NOVA2: variants seen among roughly 807,000 people sequenced by gnomAD.
The protein encoded by NOVA2 is NOVA alternative splicing regulator 2, also known as RNA-binding protein Nova-2.
Under a neutral mutation model 22.5 loss-of-function variants are expected in NOVA2, and 9 were observed. That is an observed-to-expected ratio of 0.40 (90% CI 0.24 to 0.70). The LOEUF is 0.70. NOVA2 is among the 30% of genes least tolerant of loss of function. The probability of loss-of-function intolerance (pLI) is 0.38; values close to 1 mark genes in which losing one functional copy is unlikely to be tolerated. For missense variants in NOVA2, 383 were observed against 682.8 expected (o/e 0.56, Z 4.89); for synonymous variants, 318 against 335.2 (o/e 0.95, Z 0.56).
chr19:45,966,460 GTTTC>G (rs1407260081), intron 1 of NOVA2, among the ~76,000 whole-genome samples: 1 of 152,048 alleles, frequency 6.6e-6, no homozygotes, highest in Non-Finnish European at 1.5e-5. Context: ...TAGAGACGGG[GTTTC>G]ACCATGTTGC....
At chr19:45,958,137 T>A (rs943602056) in intron 2 of NOVA2, among the ~76,000 whole-genome samples, 44 of 145,298 alleles carry the variant, frequency 3.0e-4, no homozygotes, top group African/African-American at 1.0e-3. Flanking sequence ...AAAAATAGAA[T>A]CCTCAGGGTG....
chr19:45,940,311 G>A lies in NOVA2; in HGVS notation c.1031C>T (p.Pro344Leu), dbSNP rs1416710428. Residue 344 changes from proline (P) to leucine (L), a missense_variant, in exon 4 of 4, where the codon CCG becomes CTG. This residue lies in a region of NOVA2 where 349 missense variants were observed against 578.1 expected (regional missense o/e 0.60). Transcript: ENST00000263257. The part of the protein sequence containing the change: ...AGAGPAGGAA[P>L]PPPPPPGALG... The stretch of plus-strand genomic sequence containing the variant: ...GGCTCCGGGAGGCGGGGGCGGCGGC[G>A]GGGCGGCCCCTCCGGCTGGCCCGGC... The A allele has an allele frequency of 5.8e-5, 67 of 1,146,432 alleles. No homozygotes were observed. The highest frequency in any genetic ancestry group is 7.1e-5 in the Non-Finnish European group (66 of 936,046). The allele number at this position is 1,146,432 out of a possible 1,614,324, so 71.0% of individuals were successfully genotyped here.
intron 1 of NOVA2, among the ~76,000 whole-genome samples, chr19:45,972,289 A>G (rs915172349): frequency 1.3e-4 from 19 of 151,568 alleles, no homozygotes; most frequent in African/African-American, 4.4e-4. Context: ...GCACACCTCC[A>G]TGTGTCACAC....
chr19:45,964,179 C>CTTTTT (rs10555207), intron 1 of NOVA2, among the ~76,000 whole-genome samples: 31 of 106,832 alleles, frequency 2.9e-4, no homozygotes, highest in Non-Finnish European at 4.6e-4. Flanking sequence ...TTTTCTTTTT[C>CTTTTT]TTTTTTTTTT....
chr19:45,952,063 T>C (rs1967934589), intron 3 of NOVA2, among the ~76,000 whole-genome samples: 1 of 152,172 alleles, frequency 6.6e-6, no homozygotes, highest in African/African-American at 2.4e-5. Flanking sequence ...GCCCAGCTGC[T>C]GCACTGTAAT....
intron 3 of NOVA2, among the ~76,000 whole-genome samples, chr19:45,941,826 C>G (rs1380419772): frequency 6.6e-6 from 1 of 152,150 alleles, no homozygotes; most frequent in African/African-American, 2.4e-5. Flanking sequence ...GCCCCTCAAC[C>G]ACCCTGTCCC....
Position 45,940,907 on chromosome 19 carries a change from G to T in NOVA2, c.435C>A (p.Ile145=), listed in dbSNP as rs759391254. The stretch of plus-strand genomic sequence containing the variant: ...TCACCGTGGCGCCTCCCTTGCCGAT[G>T]ATCAGGCCCGCCGTGCTGTTGGGGA... The part of the protein sequence containing the change: ...LIVPNSTAGL[I]IGKGGATVKA... The change falls in exon 4 of 4, where the codon ATC becomes ATA. Residue 145 remains isoleucine (I), a synonymous_variant. Transcript: ENST00000263257. 1 of 1,604,838 alleles carries T rather than the reference G, an allele frequency of 6.2e-7. No homozygotes were observed.
At chr19:45,964,606 G>T (rs1335831968) in intron 1 of NOVA2, among the ~76,000 whole-genome samples, 2 of 78,970 alleles carry the variant, frequency 2.5e-5, no homozygotes, top group Non-Finnish European at 5.3e-5. Context: ...TGTTGCCCAG[G>T]CTGGAATACA....
intron 1 of NOVA2, among the ~76,000 whole-genome samples, chr19:45,966,415 G>A (rs965637393): frequency 2.0e-5 from 3 of 152,102 alleles, no homozygotes; most frequent in African/African-American, 7.2e-5. Flanking sequence ...AATTTTAAAT[G>A]CATTTATTTA....
chr19:45,943,619 A>G (rs2098256), intron 3 of NOVA2, among the ~76,000 whole-genome samples: 109,213 of 151,188 alleles, frequency 0.72, 39,933 homozygotes, highest in African/African-American at 0.81. Flanking sequence ...TCAGGAGGCT[A>G]AGGTGGGAGG....
Position 45,958,618 on chromosome 19 carries a change from C to T in NOVA2, c.229+2392G>A, listed in dbSNP as rs369450551. On this transcript the variant is annotated intron_variant, in intron 2 of 3. Coordinates refer to ENST00000263257, the MANE Select transcript of NOVA2 (RefSeq NM_002516.4). ...GTGAGCATGACAGTGTGCGTGTCAGCGTGTGTGAGTGTGAGCGTGTGAGAC... is the reference window on the plus strand; with the variant it reads ...GTGAGCATGACAGTGTGCGTGTCAGTGTGTGTGAGTGTGAGCGTGTGAGAC... Among the ~76,000 whole-genome samples, 39 of 148,446 alleles carry T rather than the reference C, an allele frequency of 2.6e-4. No individual in the cohort carries two copies. The East Asian group carries it at 3.4e-3, about 13-fold the overall frequency.
At chr19:45,963,925 G>A (rs544805982) in intron 1 of NOVA2, among the ~76,000 whole-genome samples, 1 of 152,214 alleles carries the variant, frequency 6.6e-6, no homozygotes, top group South Asian at 2.1e-4. Flanking sequence ...ATGAATCCCC[G>A]TTTCATGCCT....
chr19:45,973,813 G>C lies in NOVA2; in HGVS notation c.-462C>G, dbSNP rs1029299815. On this transcript the variant is annotated 5_prime_UTR_variant, in exon 1 of 4. Transcript: ENST00000263257. ...AGGCTGGGGACTGGACGCGCCACTG[G>C]GGGGACGGGACTCCCCGCTTCTTCT... 1.6e-4 allele frequency among the ~76,000 whole-genome samples: 24 copies of C among 151,500 alleles called. No homozygotes were observed. The highest frequency in any genetic ancestry group is 2.7e-4 in the Non-Finnish European group (18 of 67,742).
chr19:45,966,274 T>G (rs928420615), intron 1 of NOVA2, among the ~76,000 whole-genome samples: 3 of 152,122 alleles, frequency 2.0e-5, no homozygotes, highest in Non-Finnish European at 4.4e-5. Flanking sequence ...CTTTCTTCTC[T>G]TTTTCTCTCC....
chr19:45,971,987 A>G lies in NOVA2; in HGVS notation c.85+1280T>C, dbSNP rs143847835. On this transcript the variant is annotated intron_variant, in intron 1 of 3. Coordinates refer to ENST00000263257, the MANE Select transcript of NOVA2 (RefSeq NM_002516.4). ...CACACTGCCTTCCGTGGTGTCAAAC[A>G]TTCGGCAATCTCCAATACACACGGA... Among the ~76,000 whole-genome samples the G allele has an allele frequency of 5.4e-3, 819 of 151,904 alleles. 7 individuals are homozygous for G. The highest frequency in any genetic ancestry group is 0.014 in the Middle Eastern group (4 of 294).
Position 45,935,433 on chromosome 19 carries a change from C to G in NOVA2, c.*4430G>C, listed in dbSNP as rs1015783831. 6.6e-6 allele frequency: 1 copy of G among 152,238 alleles called. No individual in the cohort carries two copies. The highest frequency in any genetic ancestry group is 2.4e-5 in the African/African-American group (1 of 41,444). The allele number at this position is 152,238 out of a possible 1,614,324, so 9.4% of individuals were successfully genotyped here. A position where few individuals can be genotyped will look rare whatever the true frequency, so the allele number is the denominator to read the frequency against. On this transcript the variant is annotated 3_prime_UTR_variant, in exon 4 of 4. Transcript: ENST00000263257. ...GCGATAGCAGGGCTGGGTGTTATCA[C>G]CCCAGTAAACCAGTGTCCCTGGCTC...
chr19:45,943,174 C>T (rs896853907), intron 3 of NOVA2, among the ~76,000 whole-genome samples: 4 of 151,494 alleles, frequency 2.6e-5, no homozygotes, highest in African/African-American at 4.9e-5. Context: ...CCACCTCAGC[C>T]TCCCTAGTAG....
intron 1 of NOVA2, among the ~76,000 whole-genome samples, chr19:45,970,318 C>T (rs12610687): frequency 0.36 from 53,873 of 151,416 alleles, 11,623 homozygotes; most frequent in Non-Finnish European, 0.49. Context: ...TGAAATTGCA[C>T]GTAAGACATT....
chr19:45,964,485 A>G (rs945824487), intron 1 of NOVA2, among the ~76,000 whole-genome samples: 6 of 150,866 alleles, frequency 4.0e-5, no homozygotes, highest in Admixed American at 2.7e-4. Context: ...CCCAGCCAGG[A>G]AGCCTATTTT....
Sources: gnomAD v4.1 joint callset for allele counts (sites outside exome capture counted in the v4.1 genomes callset) on GRCh38, gnomAD v4.1.1 for gene constraint, gnomAD v4.1.1 regional missense constraint, MANE v1.5 for transcripts, NCBI Gene and HGNC (gene_info 2026-07-23, HGNC 2026-07-21) for gene names.